Variants in BPNT1 observed in about 807,000 individuals in gnomAD.
The protein encoded by BPNT1 is 3'(2'),5'-bisphosphate nucleotidase 1.
Under a neutral mutation model 36.9 loss-of-function variants are expected in BPNT1, and 28 were observed. The ratio of observed to expected loss-of-function variants is 0.76; its 90% confidence interval spans 0.56 to 1.04. The LOEUF is 1.04. Ranked by LOEUF, BPNT1 falls within the 50% of genes least tolerant of loss-of-function variation. BPNT1 has a pLI of 0.00. For synonymous variants in BPNT1, 119 were observed against 130.9 expected (o/e 0.91, Z 0.62); for missense variants, 313 against 372.9 (o/e 0.84, Z 1.32).
intron 6 of BPNT1, among the ~76,000 whole-genome samples, chr1:220,065,414 A>T (rs531659012): frequency 6.6e-6 from 1 of 152,188 alleles, no homozygotes; most frequent in Non-Finnish European, 1.5e-5. Context: ...TTAAGCTTCA[A>T]TGGTTAAGAA....
chr1:220,059,466 T>A (rs1662823123), intron 8 of BPNT1, among the ~76,000 whole-genome samples: 1 of 150,284 alleles, frequency 6.7e-6, no homozygotes, highest in South Asian at 2.1e-4. Context: ...TGTATGCAGA[T>A]CAAAGTTCAA....
rs556665994 is a variant in BPNT1 at position 220,076,068 on chromosome 1, T to C, written c.121-1997A>G. 1.0e-3 allele frequency among the ~76,000 whole-genome samples: 157 copies of C among 152,272 alleles called. 1 individual carries two copies. The highest frequency in any genetic ancestry group is 3.6e-3 in the African/African-American group (149 of 41,560). On this transcript the variant is annotated intron_variant, in intron 2 of 8. Transcript: ENST00000322067. The stretch of plus-strand genomic sequence containing the variant: ...CTACTTTTCATAATAAAAAAAACTT[T>C]ATAAAAAATGAGATTAGGGGCTGGG...
chr1:220,079,642 A>C, intron 2 of BPNT1, 85 bp downstream of exon 2: 2 of 1,534,236 alleles, frequency 1.3e-6, no homozygotes, highest in Non-Finnish European at 1.8e-6. Context: ...TTAACTGATA[A>C]AGTCTGTCCA....
intron 5 of BPNT1, among the ~76,000 whole-genome samples, chr1:220,068,608 C>G (rs1189699453): frequency 6.6e-6 from 1 of 151,918 alleles, no homozygotes; most frequent in African/African-American, 2.4e-5. Context: ...GTCAGGAGTT[C>G]AAGACCAGCC....
chr1:220,060,602 T>A (rs981752344), intron 7 of BPNT1, among the ~76,000 whole-genome samples: 2 of 152,188 alleles, frequency 1.3e-5, no homozygotes, highest in African/African-American at 4.8e-5. Context: ...ATGTGACTAG[T>A]CTAACAAATA....
At position 220,060,200 on chromosome 1, in the gene BPNT1, G is replaced by A. The variant is rs543323239; in HGVS notation, c.673-409C>T. Among the ~76,000 whole-genome samples the A allele has an allele frequency of 7.2e-5, 11 of 152,188 alleles. No individual in the cohort carries two copies. In the East Asian group the frequency reaches 9.6e-4, roughly 13 times the overall value. On this transcript the variant is annotated intron_variant, in intron 7 of 8. Transcript: ENST00000322067. The stretch of plus-strand genomic sequence containing the variant: ...AATTGACCATTTATTAGAGGGCTGC[G>A]CATGGTGGCTCACTCCTGTAATGCC...
At chr1:220,074,598 C>T (rs1664375422) in intron 2 of BPNT1, among the ~76,000 whole-genome samples, 2 of 151,870 alleles carry the variant, frequency 1.3e-5, no homozygotes, top group Admixed American at 6.6e-5. Flanking sequence ...TGGGTTCAAG[C>T]AATTCCCCTG....
rs78287833 is a variant in BPNT1, at chr1:220,080,963, C to T, written c.-8-1109G>A. On this transcript the variant is annotated intron_variant, in intron 1 of 8. Coordinates refer to ENST00000322067, the MANE Select transcript of BPNT1 (RefSeq NM_006085.6). The stretch of plus-strand genomic sequence containing the variant: ...AAAAAACAGCCTTTAGAATCAAGTA[C>T]GTTGCCTTTTCCTTTTTTTGAGACG... Among the ~76,000 whole-genome samples the T allele has an allele frequency of 8.1e-3, 1,230 of 152,304 alleles. 11 individuals carry two copies. Among genetic ancestry groups the T allele is most frequent in the Non-Finnish European group, 1.0e-2 (679 of 68,034 alleles).
Position 220,058,600 on chromosome 1 carries a change from C to T in BPNT1, c.*244G>A. 1 of 832,574 alleles carries T rather than the reference C, an allele frequency of 1.2e-6. No homozygotes were observed. 51.6% of individuals were successfully genotyped at this position (832,574 alleles called of 1,614,324 possible). On this transcript the variant is annotated 3_prime_UTR_variant, in exon 9 of 9. Coordinates refer to ENST00000322067, the MANE Select transcript of BPNT1 (RefSeq NM_006085.6). ...AGGCTGGAGTGCAGTGGCACGATCT[C>T]AGCTCACTGCAACCTCTGCCTTCCG... is the stretch of plus-strand genomic sequence containing the variant.
chr1:220,087,157 G>T (rs1178622216), intron 1 of BPNT1, among the ~76,000 whole-genome samples: 2 of 150,088 alleles, frequency 1.3e-5, no homozygotes. Flanking sequence ...AGTAAAAAAA[G>T]AAACCATAAA....
chr1:220,072,522 C>T (rs1664159258), intron 4 of BPNT1, among the ~76,000 whole-genome samples: 2 of 152,062 alleles, frequency 1.3e-5, no homozygotes, highest in South Asian at 2.1e-4. Context: ...ACCATGTTGC[C>T]GAGTCTGGTC....
intron 1 of BPNT1, among the ~76,000 whole-genome samples, chr1:220,084,189 G>A (rs1048216489): frequency 2.0e-5 from 3 of 151,890 alleles, no homozygotes; most frequent in South Asian, 2.1e-4. Context: ...AAAATTAGTC[G>A]GGCGTGGTGG....
intron 1 of BPNT1, among the ~76,000 whole-genome samples, chr1:220,082,461 C>T (rs1655270683): frequency 6.6e-6 from 1 of 151,836 alleles, no homozygotes; most frequent in South Asian, 2.1e-4. Flanking sequence ...GATTACATGC[C>T]TGAGCCACCA....
chr1:220,080,231 T>G (rs1664978597), intron 1 of BPNT1, among the ~76,000 whole-genome samples: 1 of 152,088 alleles, frequency 6.6e-6, no homozygotes, highest in Admixed American at 6.6e-5. Flanking sequence ...GAGCTAATAT[T>G]TTGGTGAGTT....
intron 3 of BPNT1, 63 bp downstream of exon 3, chr1:220,073,904 G>C: frequency 7.5e-7 from 1 of 1,328,066 alleles, no homozygotes. Context: ...AATCATTAAA[G>C]TGTCAGTTAT....
chr1:220,082,740 C>T (rs1358649821), intron 1 of BPNT1, among the ~76,000 whole-genome samples: 1 of 151,506 alleles, frequency 6.6e-6, no homozygotes, highest in Non-Finnish European at 1.5e-5. Context: ...GCAACTGACA[C>T]CACGCCCAGC....
chr1:220,061,893 T>C (rs1176604589), intron 7 of BPNT1, among the ~76,000 whole-genome samples: 1 of 151,908 alleles, frequency 6.6e-6, no homozygotes, highest in Admixed American at 6.6e-5. Context: ...ATGGGGGAAA[T>C]AGATAGGAAG....
At chr1:220,073,888 T>C (rs923057169) in intron 3 of BPNT1, 79 bp downstream of exon 3, 1 of 1,134,494 alleles carries the variant, frequency 8.8e-7, no homozygotes, top group Non-Finnish European at 1.3e-6. Context: ...ATAATAGTGG[T>C]ATATAAATCA....
intron 1 of BPNT1, among the ~76,000 whole-genome samples, chr1:220,082,079 TATATATAG>T (rs1255575334): frequency 2.2e-3 from 239 of 110,542 alleles, no homozygotes; most frequent in Middle Eastern, 8.7e-3. Context: ...TATATATATA[TATATATAG>T]AGAGAGAGAG....
Sources: gnomAD v4.1 joint callset for allele counts (sites outside exome capture counted in the v4.1 genomes callset) on GRCh38, gnomAD v4.1.1 for gene constraint, MANE v1.5 for transcripts, NCBI Gene and HGNC (gene_info 2026-07-23, HGNC 2026-07-21) for gene names.